Variants in CPEB1 observed in about 807,000 individuals in gnomAD.
CPEB1 encodes the protein cytoplasmic polyadenylation element binding protein 1, also known as cytoplasmic polyadenylation element-binding protein 1.
Under a neutral mutation model 65.8 loss-of-function variants are expected in CPEB1, and 7 were observed. The observed-to-expected ratio is 0.11, with a 90% CI of 0.06 to 0.20. CPEB1 has a LOEUF of 0.20. Among genes scored for constraint, CPEB1 ranks in the 10% least tolerant of loss-of-function variants. The probability of loss-of-function intolerance (pLI) is 1.00; values close to 1 mark genes in which losing one functional copy is unlikely to be tolerated. For synonymous variants in CPEB1, 262 were observed against 260.0 expected, an observed-to-expected ratio of 1.01 and a Z score of -0.08; for missense variants, 551 against 712.2, an observed-to-expected ratio of 0.77 and a Z score of 2.58.
At chr15:82,597,484 G>T (rs1019645871) in intron 3 of CPEB1, among the ~76,000 whole-genome samples, 1 of 152,142 alleles carries the variant, frequency 6.6e-6, no homozygotes, top group East Asian at 1.9e-4. Flanking sequence ...AACAAAGACA[G>T]TTATTTAATT....
intron 4 of CPEB1, among the ~76,000 whole-genome samples, chr15:82,565,946 G>A (rs937751680): frequency 2.9e-4 from 44 of 152,264 alleles, no homozygotes; most frequent in African/African-American, 1.1e-3. Flanking sequence ...AAGTCATGGG[G>A]AGGAGAGGAC....
intron 3 of CPEB1, among the ~76,000 whole-genome samples, chr15:82,621,910 T>C (rs1000463657): frequency 1.3e-5 from 2 of 152,194 alleles, no homozygotes; most frequent in Admixed American, 6.5e-5. Context: ...TATTGAGAAA[T>C]GGCATCTCAG....
chr15:82,643,547 T>C (rs1283599525), intron 1 of CPEB1, among the ~76,000 whole-genome samples: 1 of 151,882 alleles, frequency 6.6e-6, no homozygotes, highest in African/African-American at 2.4e-5. Flanking sequence ...AAGAATTGCT[T>C]GAACCCCAGA....
chr15:82,554,291 G>A (rs1019892548), intron 6 of CPEB1, among the ~76,000 whole-genome samples: 2 of 152,232 alleles, frequency 1.3e-5, no homozygotes, highest in Admixed American at 6.5e-5. Flanking sequence ...CAACTAATAT[G>A]CTAACCACAA....
chr15:82,577,893 C>A (rs2040837816), intron 3 of CPEB1, among the ~76,000 whole-genome samples: 1 of 152,062 alleles, frequency 6.6e-6, no homozygotes, highest in Non-Finnish European at 1.5e-5. Context: ...GTAATCCCAG[C>A]ACTTTGGGAG....
At chr15:82,607,508 A>C (rs975399184) in intron 3 of CPEB1, among the ~76,000 whole-genome samples, 1 of 152,110 alleles carries the variant, frequency 6.6e-6, no homozygotes, top group African/African-American at 2.4e-5. Flanking sequence ...GAATTGCTTG[A>C]ACTGGGAAGC....
In CPEB1 at chr15:82,547,219, A is replaced by T; in HGVS notation, c.1499T>A (p.Phe500Tyr). The T allele has an allele frequency of 6.2e-7, 1 of 1,612,048 alleles. No individual in the cohort carries two copies. Reference protein sequence around the residue: ...KYPIGSGRVTFNNQRSYLKAV... With the variant: ...KYPIGSGRVTYNNQRSYLKAV... ...TTTCAGGTAACTCCGTTGGTTATTGAAAGTCACACGACCAGAACCTAGGAC... is the reference window on the plus strand; with the variant it reads ...TTTCAGGTAACTCCGTTGGTTATTGTAAGTCACACGACCAGAACCTAGGAC... The change falls in exon 11 of 13, where the codon TTC (phenylalanine) becomes TAC (tyrosine). Residue 500 changes from phenylalanine (F) to tyrosine (Y), a missense_variant. Transcript: ENST00000684509.
At chr15:82,557,682 G>C (rs575612338) in intron 5 of CPEB1, 78 bp downstream of exon 5, 1 of 1,225,576 alleles carries the variant, frequency 8.2e-7, no homozygotes, top group East Asian at 2.3e-5. Flanking sequence ...GCATCCCATA[G>C]ATATTGTACC....
intron 3 of CPEB1, among the ~76,000 whole-genome samples, chr15:82,602,674 C>T (rs1029178030): frequency 1.3e-5 from 2 of 152,030 alleles, no homozygotes; most frequent in Admixed American, 6.5e-5. Flanking sequence ...GGTGAAAACC[C>T]GTCTCTACTA....
At chr15:82,569,578 G>A (rs1238301968) in intron 4 of CPEB1, among the ~76,000 whole-genome samples, 1 of 152,202 alleles carries the variant, frequency 6.6e-6, no homozygotes, top group Non-Finnish European at 1.5e-5. Context: ...TTCAGGTGGT[G>A]GAGAAGCTGT....
chr15:82,575,326 C>T (rs890814993), intron 3 of CPEB1, among the ~76,000 whole-genome samples: 51 of 152,174 alleles, frequency 3.4e-4, no homozygotes, highest in Admixed American at 1.3e-3. Flanking sequence ...ATATCAGAGA[C>T]GTAAAAGTGA....
intron 3 of CPEB1, among the ~76,000 whole-genome samples, chr15:82,599,062 A>G (rs2042895164): frequency 1.3e-5 from 2 of 152,242 alleles, no homozygotes; most frequent in African/African-American, 4.8e-5. Flanking sequence ...CAGACGATCC[A>G]TTGGAGACCT....
At chr15:82,584,254 GTC>G in intron 3 of CPEB1, among the ~76,000 whole-genome samples, 1 of 66,550 alleles carries the variant, frequency 1.5e-5, no homozygotes, top group East Asian at 4.6e-4. Context: ...GCGAGACTCC[GTC>G]TCAAAAAAAA....
chr15:82,568,153 G>C (rs1423755939), intron 4 of CPEB1, among the ~76,000 whole-genome samples: 2 of 152,154 alleles, frequency 1.3e-5, no homozygotes. Flanking sequence ...AGCCTTCCAG[G>C]AGTTGTGTCA....
intron 6 of CPEB1, 23 bp from the exon 7 acceptor site, chr15:82,554,014 A>G: frequency 1.4e-6 from 2 of 1,440,358 alleles, no homozygotes; most frequent in Non-Finnish European, 1.9e-6. Context: ...GCAAAGAGAT[A>G]AACAGGGGAG....
chr15:82,630,534 A>T (rs1231242185), intron 1 of CPEB1, among the ~76,000 whole-genome samples: 1 of 152,104 alleles, frequency 6.6e-6, no homozygotes, highest in East Asian at 1.9e-4. Context: ...TGAACCCAGG[A>T]GGCAGAGGTT....
intron 3 of CPEB1, chr15:82,573,019 C>T: frequency 6.5e-7 from 1 of 1,531,816 alleles, no homozygotes; most frequent in Non-Finnish European, 8.7e-7. Flanking sequence ...CAAACCTGGA[C>T]TCAGCTGGTA....
chr15:82,634,187 T>TG (rs1567236823), intron 1 of CPEB1, among the ~76,000 whole-genome samples: 1 of 151,796 alleles, frequency 6.6e-6, no homozygotes, highest in Non-Finnish European at 1.5e-5. Flanking sequence ...ATAACTGGTT[T>TG]TTTTTTTTTT....
chr15:82,617,860 A>G (rs2044893184), intron 3 of CPEB1, among the ~76,000 whole-genome samples: 1 of 146,244 alleles, frequency 6.8e-6, no homozygotes, highest in Admixed American at 6.9e-5. Flanking sequence ...CAGCCTCCCA[A>G]GTAGCTGGGA....
Sources: gnomAD v4.1 joint callset for allele counts (sites outside exome capture counted in the v4.1 genomes callset) on GRCh38, gnomAD v4.1.1 for gene constraint, MANE v1.5 for transcripts, NCBI Gene and HGNC (gene_info 2026-07-23, HGNC 2026-07-21) for gene names.